Variants in KIAA1549 observed in about 807,000 individuals in gnomAD.
KIAA1549 encodes UPF0606 protein KIAA1549.
A neutral mutation model predicts 156.4 loss-of-function variants in KIAA1549; 70 were observed. The observed-to-expected ratio is 0.45, with a 90% CI of 0.37 to 0.55. The LOEUF (loss-of-function observed/expected upper bound fraction) is 0.55. KIAA1549 is among the 20% of genes least tolerant of loss of function. The pLI is 0.00. For synonymous variants in KIAA1549, 1,103 were observed against 1,066.4 expected (o/e 1.03, Z -0.67); for missense variants, 2,428 against 2,540.9 (o/e 0.96, Z 0.96).
intron 1 of KIAA1549, among the ~76,000 whole-genome samples, chr7:138,921,129 AC>A (rs1249732772): frequency 1.3e-5 from 2 of 152,310 alleles, no homozygotes; most frequent in East Asian, 3.9e-4. Context: ...CCAACTGAAG[AC>A]CATTTTCCAA....
rs115810887 is a variant in KIAA1549, at chr7:138,859,182, T to A, written c.5247+1957A>T. 4.8e-3 allele frequency among the ~76,000 whole-genome samples: 734 copies of A among 152,308 alleles called. 5 individuals carry two copies. The highest frequency in any genetic ancestry group is 0.017 in the African/African-American group (709 of 41,562). ...CTTGCAGACAGTTGCCTGCTCTCTGTGTCTTAACCTGGCCAGAGAGAGATC... is the reference window on the plus strand; with the variant it reads ...CTTGCAGACAGTTGCCTGCTCTCTGAGTCTTAACCTGGCCAGAGAGAGATC... On this transcript the variant is annotated intron_variant, in intron 16 of 19. Transcript: ENST00000422774.
chr7:138,851,587 G>A (rs1052508933), intron 17 of KIAA1549, among the ~76,000 whole-genome samples: 6 of 151,650 alleles, frequency 4.0e-5, no homozygotes, highest in Admixed American at 1.3e-4. Flanking sequence ...TGTGTGGAAG[G>A]GGGGCTACTG....
At chr7:138,903,023 T>C (rs1343175738) in intron 8 of KIAA1549, among the ~76,000 whole-genome samples, 2 of 152,184 alleles carry the variant, frequency 1.3e-5, no homozygotes, top group Non-Finnish European at 2.9e-5. Context: ...AAAATTTCTC[T>C]AATTGGCTAT....
At chr7:138,980,445 C>T (rs1814511643) in intron 1 of KIAA1549, among the ~76,000 whole-genome samples, 1 of 152,190 alleles carries the variant, frequency 6.6e-6, no homozygotes, top group Non-Finnish European at 1.5e-5. Flanking sequence ...CCTTTCATGC[C>T]CAGACACTTA....
At chr7:138,976,140 G>C (rs1264137674) in intron 1 of KIAA1549, among the ~76,000 whole-genome samples, 1 of 152,008 alleles carries the variant, frequency 6.6e-6, no homozygotes, top group African/African-American at 2.4e-5. Context: ...GCAGTGGCGC[G>C]ATCTCATTTC....
intron 10 of KIAA1549, among the ~76,000 whole-genome samples, chr7:138,891,166 C>T (rs890754299): frequency 1.3e-5 from 2 of 152,224 alleles, no homozygotes; most frequent in African/African-American, 2.4e-5. Flanking sequence ...GCAGAGATCG[C>T]GTGCTATTTG....
In KIAA1549 at chr7:138,871,241, G is replaced by A. The variant is rs558389108; in HGVS notation, c.4467C>T (p.Ile1489=). ...GAGGTGCCGGGATCGGCTGCATGGC[G>A]ATAAGCTGGATCTTACTGGGGACCC... ...SRRVPSKIQL[I]AMQPIPAPPV... The change falls in exon 13 of 20, where the codon ATC becomes ATT. Residue 1489 remains isoleucine, a synonymous_variant. Transcript: ENST00000422774. The A allele has an allele frequency of 4.6e-5, 74 of 1,612,926 alleles. 1 individual carries two copies. The highest frequency in any genetic ancestry group is 9.9e-5 in the South Asian group (9 of 90,982).
intron 15 of KIAA1549, among the ~76,000 whole-genome samples, chr7:138,862,148 T>C (rs568100546): frequency 9.9e-5 from 15 of 152,200 alleles, no homozygotes; most frequent in South Asian, 4.2e-4. Flanking sequence ...TATTAGAAAA[T>C]AGTCTGACAT....
intron 1 of KIAA1549, among the ~76,000 whole-genome samples, chr7:138,957,408 C>A (rs1270189043): frequency 6.6e-6 from 1 of 151,908 alleles, no homozygotes; most frequent in Non-Finnish European, 1.5e-5. Context: ...AAATCTTGGC[C>A]CACTATCTTC....
chr7:138,921,847 A>C lies in KIAA1549; in HGVS notation c.188-2409T>G, dbSNP rs138996864. Among the ~76,000 whole-genome samples the C allele has an allele frequency of 7.8e-3, 1,184 of 152,308 alleles. 20 individuals are homozygous for C. Among genetic ancestry groups the C allele is most frequent in the African/African-American group, 0.027 (1,117 of 41,552 alleles). ...ACCACTGCACTCCAGCCTGGGAGAC[A>C]AAGTGAGACTCCGTCTCAAAAAAAA... On this transcript the variant is annotated intron_variant, in intron 1 of 19. Coordinates refer to ENST00000422774, the MANE Select transcript of KIAA1549 (RefSeq NM_001164665.2).
At chr7:138,938,536 G>A (rs566721073) in intron 1 of KIAA1549, among the ~76,000 whole-genome samples, 60 of 152,126 alleles carry the variant, frequency 3.9e-4, no homozygotes, top group African/African-American at 1.3e-3. Flanking sequence ...AACTTATCTC[G>A]GTTTATTTGA....
intron 17 of KIAA1549, among the ~76,000 whole-genome samples, chr7:138,846,991 T>C (rs929695405): frequency 2.6e-5 from 4 of 152,328 alleles, no homozygotes; most frequent in East Asian, 1.9e-4. Flanking sequence ...CCTGACTTTA[T>C]AGATCTAAGA....
intron 1 of KIAA1549, among the ~76,000 whole-genome samples, chr7:138,936,512 ATGTTC>A (rs1381498417): frequency 6.6e-6 from 1 of 152,126 alleles, no homozygotes. Context: ...GGAAGCAGAG[ATGTTC>A]TGAGTCCATG....
Position 138,917,521 on chromosome 7 carries a change from A to G in KIAA1549, c.2105T>C (p.Leu702Pro). Residue 702 changes from leucine to proline, a missense_variant, in exon 2 of 20, where the codon CTG becomes CCG. Transcript: ENST00000422774. ...TAGCAACATGATGGTGTTTAAAGGCAGCTCGGAACTTGGCTGGAGCTGCGA... is the reference window on the plus strand; with the variant it reads ...TAGCAACATGATGGTGTTTAAAGGCGGCTCGGAACTTGGCTGGAGCTGCGA... Reference protein sequence around the residue: ...EFSQLQPSSELPLNTIMLLPS... With the variant: ...EFSQLQPSSEPPLNTIMLLPS... 6.2e-7 allele frequency: 1 copy of G among 1,613,868 alleles called. No individual in the cohort carries two copies.
chr7:138,901,290 A>C (rs910286773), intron 8 of KIAA1549, among the ~76,000 whole-genome samples: 1 of 151,362 alleles, frequency 6.6e-6, no homozygotes, highest in Non-Finnish European at 1.5e-5. Flanking sequence ...TTTGGATTAC[A>C]TGGCATACAT....
intron 1 of KIAA1549, among the ~76,000 whole-genome samples, chr7:138,977,420 T>A (rs1171786917): frequency 6.6e-6 from 1 of 152,188 alleles, no homozygotes. Flanking sequence ...TAAAGTAACA[T>A]TCAATGCCAG....
intron 1 of KIAA1549, among the ~76,000 whole-genome samples, chr7:138,926,823 AT>A: frequency 6.6e-6 from 1 of 152,134 alleles, no homozygotes; most frequent in Non-Finnish European, 1.5e-5. Context: ...AAATATATAT[AT>A]ATGTTATGAA....
chr7:138,860,043 T>A, intron 16 of KIAA1549, among the ~76,000 whole-genome samples: 1 of 152,234 alleles, frequency 6.6e-6, no homozygotes, highest in East Asian at 1.9e-4. Context: ...TATATGTGAA[T>A]GAATAAGCAA....
intron 1 of KIAA1549, among the ~76,000 whole-genome samples, chr7:138,944,050 GA>G (rs1300152132): frequency 7.3e-5 from 11 of 150,338 alleles, no homozygotes; most frequent in Non-Finnish European, 1.6e-4. Flanking sequence ...TACAAGCTGG[GA>G]TTACACTGAG....
Sources: gnomAD v4.1 joint callset for allele counts (sites outside exome capture counted in the v4.1 genomes callset) on GRCh38, gnomAD v4.1.1 for gene constraint, MANE v1.5 for transcripts, NCBI Gene and HGNC (gene_info 2026-07-23, HGNC 2026-07-21) for gene names.